MYB: variants seen among roughly 807,000 people sequenced by gnomAD.
MYB encodes MYB proto-oncogene, transcription factor.
A neutral mutation model predicts 92.9 loss-of-function variants in MYB; 28 were observed. The ratio of observed to expected loss-of-function variants is 0.30; its 90% CI spans 0.22 to 0.41. The LOEUF (loss-of-function observed/expected upper bound fraction) is 0.41, where lower values mean the gene tolerates loss of function less well. Among genes scored for constraint, MYB ranks in the 10% least tolerant of loss-of-function variants. The pLI is 1.00. For missense variants in MYB, 679 were observed against 929.3 expected (o/e 0.73, Z 3.50); for synonymous variants, 295 against 329.1 (o/e 0.90, Z 1.12).
chr6:135,218,336 C>CA lies in MYB; in HGVS notation c.*357dup, dbSNP rs1780714216. On this transcript the variant is annotated 3_prime_UTR_variant, in exon 16 of 16. Transcript: ENST00000341911. ...CTGTGATGGGTTTTTTGAAATTTGA[C>CA]ACATTAAAAGGTACTCCAGTATTTC... The CA allele has an allele frequency of 3.6e-6, 1 of 274,080 alleles. No homozygotes were observed. The highest frequency in any genetic ancestry group is 7.0e-6 in the Non-Finnish European group (1 of 143,546). 17.0% of individuals were successfully genotyped at this position (274,080 alleles called of 1,614,324 possible). A position where few individuals can be genotyped will look rare whatever the true frequency, so the allele number is the denominator to read the frequency against.
In MYB at chr6:135,196,685, C is replaced by T. The variant is rs1226548564; in HGVS notation, c.1204-276C>T. On this transcript the variant is annotated intron_variant, in intron 9 of 15. Transcript: ENST00000341911. ...GGAGATGACCATTGCCGTAATATGC[C>T]ATCTAGAAAAGGTCTTCATTTTGCT... 4 of 1,306,948 alleles carry T rather than the reference C, an allele frequency of 3.1e-6. No individual in the cohort carries two copies. In the Admixed American group the frequency reaches 6.4e-5, roughly 21 times the overall value. The allele number at this position is 1,306,948 out of a possible 1,614,324, so 81.0% of individuals were successfully genotyped here. A position where few individuals can be genotyped will look rare whatever the true frequency, so the allele number is the denominator to read the frequency against.
chr6:135,195,065 A>G (rs1246083284), intron 8 of MYB: 5 of 1,310,464 alleles, frequency 3.8e-6, no homozygotes, highest in Non-Finnish European at 5.0e-6. Flanking sequence ...AAGACAATAA[A>G]AGAGAAGTGA....
chr6:135,200,289 G>T lies in MYB; in HGVS notation c.1825-1G>T. On this transcript the variant is annotated splice_acceptor_variant, in intron 12 of 15. Coordinates refer to ENST00000341911, the MANE Select transcript of MYB (RefSeq NM_001130173.2). LOFTEE classifies it high-confidence loss of function. ...GCAAAAATACCCACTCTTCCGTTTAGCCTCAGACACCCTCTCATCTAGTAG... is the reference window on the plus strand; with the variant it reads ...GCAAAAATACCCACTCTTCCGTTTATCCTCAGACACCCTCTCATCTAGTAG... 4.3e-6 allele frequency: 7 copies of T among 1,613,962 alleles called. No homozygotes were observed. Among genetic ancestry groups the T allele is most frequent in the Non-Finnish European group, 5.9e-6 (7 of 1,179,968 alleles).
chr6:135,216,367 G>T (rs1332275304), intron 15 of MYB, among the ~76,000 whole-genome samples: 1 of 152,088 alleles, frequency 6.6e-6, no homozygotes, highest in Non-Finnish European at 1.5e-5. Context: ...GTGTAATTTT[G>T]TTACATGGAT....
rs185835302 is a variant in MYB, at chr6:135,186,780, A to C, written c.141+760A>C. On this transcript the variant is annotated intron_variant, in intron 2 of 15. Transcript: ENST00000341911. ...AAAAGTTTGATTTTGTAGGAATGGA[A>C]AAATATTTTAGAAGCAAAATTATTA... Among the ~76,000 whole-genome samples, 268 of 152,320 alleles carry C rather than the reference A, an allele frequency of 1.8e-3. 3 individuals carry two copies. Among genetic ancestry groups the C allele is most frequent in the Admixed American group, 0.016 (246 of 15,302 alleles).
In MYB at chr6:135,195,762, A is replaced by C. The variant is rs1470128213; in HGVS notation, c.963A>C (p.Thr321=). The C allele has an allele frequency of 6.2e-7, 1 of 1,613,872 alleles. No individual in the cohort carries two copies. The highest frequency in any genetic ancestry group is 8.5e-7 in the Non-Finnish European group (1 of 1,179,988). ...CCCTTCCTTAGACACAGAACCACAC[A>C]TGCAGCTACCCCGGGTGGCACAGCA... is the stretch of plus-strand genomic sequence containing the variant. The part of the protein sequence containing the change: ...GQQVLPTQNH[T]CSYPGWHSTT... The change falls in exon 9 of 16, where the codon ACA becomes ACC. Residue 321 remains threonine, a synonymous_variant. Transcript: ENST00000341911.
At chr6:135,208,152 C>G (rs1046436556) in intron 15 of MYB, among the ~76,000 whole-genome samples, 1 of 146,462 alleles carries the variant, frequency 6.8e-6, no homozygotes, top group African/African-American at 2.6e-5. Context: ...GATCTCGGCT[C>G]ACTGCAACCT....
intron 1 of MYB, among the ~76,000 whole-genome samples, chr6:135,183,342 G>A (rs1775430311): frequency 6.6e-6 from 1 of 152,272 alleles, no homozygotes; most frequent in South Asian, 2.1e-4. Context: ...GCGGCCACAA[G>A]GCACTTCCTC....
At chr6:135,189,381 C>T (rs79590726) in intron 3 of MYB, among the ~76,000 whole-genome samples, 6,137 of 152,214 alleles carry the variant, frequency 0.04, 450 homozygotes, top group African/African-American at 0.14. Context: ...TGGATTGAAG[C>T]ACATCTCTTG....
Position 135,197,264 on chromosome 6 carries a change from G to T in MYB, c.1507G>T (p.Val503Phe). 1 of 1,613,864 alleles carries T rather than the reference G, an allele frequency of 6.2e-7. No homozygotes were observed. The highest frequency in any genetic ancestry group is 8.5e-7 in the Non-Finnish European group (1 of 1,179,828). The change falls in exon 10 of 16, where the codon GTC becomes TTC. Residue 503 changes from valine (V) to phenylalanine (F), a missense_variant. By Grantham distance (50) the Val-to-Phe change is conservative (BLOSUM62 -1). Coordinates refer to ENST00000341911, the MANE Select transcript of MYB (RefSeq NM_001130173.2). ...CTGTAGCTCCTTCATATTTGCTGAC[G>T]TCAGCAGTTCAACTCCCAAGCGTTC... ...GDCSSFIFADVSSSTPKRSPV... is the reference protein window; with the variant it reads ...GDCSSFIFADFSSSTPKRSPV...
intron 15 of MYB, 52 bp from the exon 16 acceptor site, chr6:135,217,812 T>C (rs1780663055): frequency 7.7e-7 from 1 of 1,294,168 alleles, no homozygotes; most frequent in African/African-American, 1.5e-5. Context: ...GCTGGGTCTA[T>C]AGAATGAGCT....
At chr6:135,201,003 C>T (rs573971178) in intron 13 of MYB, among the ~76,000 whole-genome samples, 3 of 151,942 alleles carry the variant, frequency 2.0e-5, no homozygotes, top group Non-Finnish European at 4.4e-5. Context: ...GGTGTGAACC[C>T]GGGAGGCAGA....
intron 2 of MYB, 52 bp downstream of exon 2, chr6:135,186,072 TA>T: frequency 6.6e-7 from 1 of 1,522,976 alleles, no homozygotes; most frequent in Non-Finnish European, 9.1e-7. Context: ...GTATAATTTA[TA>T]AAAAACAAAA....
chr6:135,195,105 T>C (rs994991935), intron 8 of MYB: 1 of 1,253,402 alleles, frequency 8.0e-7, no homozygotes. Context: ...GGGGTAAATT[T>C]ATTTTTTGTT....
At position 135,195,816 on chromosome 6, in the gene MYB, T is replaced by C; in HGVS notation, c.1017T>C (p.His339=). The change falls in exon 9 of 16, where the codon CAT becomes CAC. Residue 339 remains histidine, a synonymous_variant. Transcript: ENST00000341911. ...CCATTGCCGACCACACCAGACCTCA[T>C]GGAGACAGTGCACCTGTTTCCTGTT... ...STTIADHTRP[H]GDSAPVSCLG... The C allele has an allele frequency of 1.2e-6, 2 of 1,614,088 alleles. No individual in the cohort carries two copies.
chr6:135,210,048 C>T (rs149713157), intron 15 of MYB, among the ~76,000 whole-genome samples: 9 of 152,330 alleles, frequency 5.9e-5, no homozygotes, highest in East Asian at 5.8e-4. Flanking sequence ...CCGAGGCAGA[C>T]GCATAGCTCC....
intron 6 of MYB, 45 bp from the exon 7 acceptor site, chr6:135,193,793 T>A (rs768889203): frequency 2.2e-6 from 3 of 1,383,558 alleles, no homozygotes; most frequent in Non-Finnish European, 3.1e-6. Context: ...CTGAAGCATA[T>A]GTAGCCCTGA....
rs879558413 is a variant in MYB, at chr6:135,214,331, GA to G, written c.2170-3522del. Among the ~76,000 whole-genome samples, 789 of 146,766 alleles carry G rather than the reference GA, an allele frequency of 5.4e-3. 6 individuals carry two copies. Among genetic ancestry groups the G allele is most frequent in the African/African-American group, 0.018 (716 of 40,152 alleles). ...ATATTGATTGAAGCCCAGCTAAATAGAAAAAAAAAAATTCTAATAGGCCATT... is the reference window on the plus strand; with the variant it reads ...ATATTGATTGAAGCCCAGCTAAATAGAAAAAAAAAATTCTAATAGGCCATT... On this transcript the variant is annotated intron_variant, in intron 15 of 15. Transcript: ENST00000341911.
At chr6:135,189,925 T>C in intron 4 of MYB, 42 bp downstream of exon 4, 3 of 1,555,406 alleles carry the variant, frequency 1.9e-6, no homozygotes, top group Non-Finnish European at 2.7e-6. Context: ...TAATTAAGAA[T>C]ATTCCCAAAA....
Sources: gnomAD v4.1 joint callset for allele counts (sites outside exome capture counted in the v4.1 genomes callset) on GRCh38, gnomAD v4.1.1 for gene constraint, MANE v1.5 for transcripts, NCBI Gene and HGNC (gene_info 2026-07-23, HGNC 2026-07-21) for gene names.